XKR9: variants seen among roughly 807,000 people sequenced by gnomAD.
XKR9 encodes the protein XK-related protein 9.
XKR9 carries 32 observed loss-of-function variants against 32.0 expected under a neutral mutation model. That is an observed-to-expected ratio of 1.00 (90% CI 0.76 to 1.34). The LOEUF (loss-of-function observed/expected upper bound fraction) is 1.34, where lower values mean the gene tolerates loss of function less well. Ranked by LOEUF, XKR9 falls within the 40% of genes most tolerant of loss-of-function variation. The pLI, the probability that XKR9 is intolerant of heterozygous loss-of-function variation, is 0.00. For missense variants in XKR9, 546 were observed against 429.7 expected (o/e 1.27, Z -2.39); for synonymous variants, 168 against 143.4 (o/e 1.17, Z -1.22).
the XKR9 span, among the ~76,000 whole-genome samples, chr8:70,849,299 G>A: frequency 6.6e-6 from 1 of 152,104 alleles, no homozygotes; most frequent in Non-Finnish European, 1.5e-5. Flanking sequence ...TTAGAACTCA[G>A]GATTAAGAAA....
chr8:70,865,217 C>G, the XKR9 span, among the ~76,000 whole-genome samples: 8 of 151,484 alleles, frequency 5.3e-5, no homozygotes, highest in African/African-American at 1.9e-4. Context: ...GTCTTTTAGA[C>G]TGGCAACAGA....
At chr8:70,716,943 A>G (rs1344921122) in intron 4 of XKR9, among the ~76,000 whole-genome samples, 1 of 152,194 alleles carries the variant, frequency 6.6e-6, no homozygotes, top group Non-Finnish European at 1.5e-5. Context: ...CCCATTCCAA[A>G]TGGGAGAATT....
intron 3 of XKR9, among the ~76,000 whole-genome samples, chr8:70,685,514 G>T (rs1358672232): frequency 4.1e-5 from 5 of 121,430 alleles, no homozygotes; most frequent in African/African-American, 6.0e-5. Flanking sequence ...TAATAATAAA[G>T]AAAATGTGGC....
the XKR9 span, among the ~76,000 whole-genome samples, chr8:71,063,251 T>C: frequency 1.3e-5 from 2 of 151,798 alleles, no homozygotes; most frequent in East Asian, 3.9e-4. Context: ...GTGAGGAGAG[T>C]ACAAGTGTGT....
At chr8:71,037,742 A>G in the XKR9 span, among the ~76,000 whole-genome samples, 24 of 152,234 alleles carry the variant, frequency 1.6e-4, no homozygotes, top group Non-Finnish European at 5.9e-5. Context: ...GTAACTTTAC[A>G]GTGACAAATC....
intron 4 of XKR9, among the ~76,000 whole-genome samples, chr8:70,710,724 AAAAC>A (rs960445389): frequency 2.0e-5 from 3 of 151,848 alleles, no homozygotes; most frequent in African/African-American, 7.3e-5. Flanking sequence ...AACAACAACA[AAAAC>A]AAATAAACAA....
chr8:70,908,951 C>G, the XKR9 span, among the ~76,000 whole-genome samples: 1 of 152,172 alleles, frequency 6.6e-6, no homozygotes, highest in Admixed American at 6.5e-5. Flanking sequence ...GACTCTGATT[C>G]AGGAGGTCTG....
chr8:70,913,481 C>G, the XKR9 span, among the ~76,000 whole-genome samples: 1 of 151,880 alleles, frequency 6.6e-6, no homozygotes, highest in African/African-American at 2.4e-5. Context: ...CTATGTATTT[C>G]TAGAAGAGAA....
the XKR9 span, among the ~76,000 whole-genome samples, chr8:70,949,402 A>C: frequency 1.3e-5 from 2 of 152,164 alleles, no homozygotes; most frequent in African/African-American, 4.8e-5. Flanking sequence ...ATGAAGATTT[A>C]GTATGCTTTA....
At chr8:70,912,919 A>C in the XKR9 span, among the ~76,000 whole-genome samples, 1 of 152,236 alleles carries the variant, frequency 6.6e-6, no homozygotes, top group African/African-American at 2.4e-5. Flanking sequence ...CAAGTAATTA[A>C]GTTCAAGTAA....
chr8:70,961,136 T>C, the XKR9 span, among the ~76,000 whole-genome samples: 65 of 152,102 alleles, frequency 4.3e-4, 1 homozygote, highest in Non-Finnish European at 6.3e-4. Flanking sequence ...CATCACTGCA[T>C]TCCAGGCTGG....
the XKR9 span, among the ~76,000 whole-genome samples, chr8:71,055,199 T>G: frequency 8.8e-3 from 1,338 of 152,360 alleles, 18 homozygotes; most frequent in Non-Finnish European, 0.011. Flanking sequence ...AATACTTATA[T>G]GTACCCACTT....
intron 2 of XKR9, among the ~76,000 whole-genome samples, chr8:70,745,563 A>C (rs962097386): frequency 9.9e-5 from 15 of 152,166 alleles, no homozygotes; most frequent in Admixed American, 5.2e-4. Context: ...AGTAGGCATT[A>C]GGTAGGGCTT....
At chr8:70,894,234 C>G in the XKR9 span, among the ~76,000 whole-genome samples, 14 of 151,796 alleles carry the variant, frequency 9.2e-5, no homozygotes, top group East Asian at 2.7e-3. Flanking sequence ...ATACTAGATT[C>G]GGTGAGACCA....
intron 2 of XKR9, among the ~76,000 whole-genome samples, chr8:70,772,662 C>T (rs1022223678): frequency 3.9e-5 from 6 of 152,056 alleles, no homozygotes; most frequent in Admixed American, 3.3e-4. Context: ...TGTGCTCATA[C>T]CATCGTCGTG....
At chr8:71,007,544 A>G in the XKR9 span, among the ~76,000 whole-genome samples, 1 of 152,222 alleles carries the variant, frequency 6.6e-6, no homozygotes, top group South Asian at 2.1e-4. Context: ...GAGAAAACTA[A>G]TAGAAGGGTA....
downstream of XKR9, among the ~76,000 whole-genome samples, chr8:70,791,488 G>A (rs758555392): frequency 6.6e-6 from 1 of 152,042 alleles, no homozygotes; most frequent in East Asian, 1.9e-4. Flanking sequence ...AGGTGATTAG[G>A]CCACGAGGGC....
At chr8:70,920,730 T>C in the XKR9 span, among the ~76,000 whole-genome samples, 1 of 152,168 alleles carries the variant, frequency 6.6e-6, no homozygotes, top group Non-Finnish European at 1.5e-5. Flanking sequence ...TTCTGTTAGC[T>C]GTTAAAAAGC....
chr8:70,808,092 T>C, the XKR9 span, among the ~76,000 whole-genome samples: 4 of 152,054 alleles, frequency 2.6e-5, no homozygotes, highest in African/African-American at 9.7e-5. Context: ...GCAATCAAAT[T>C]AGAACTCAGC....
Sources: gnomAD v4.1 joint callset for allele counts (sites outside exome capture counted in the v4.1 genomes callset) on GRCh38, gnomAD v4.1.1 for gene constraint, MANE v1.5 for transcripts, NCBI Gene and HGNC (gene_info 2026-07-23, HGNC 2026-07-21) for gene names.